FUT9: variants seen among roughly 807,000 people sequenced by gnomAD.
The protein encoded by FUT9 is 4-galactosyl-N-acetylglucosaminide 3-alpha-L-fucosyltransferase 9.
FUT9 carries 15 observed loss-of-function variants against 29.7 expected under a neutral mutation model. The observed-to-expected ratio is 0.51, with a 90% CI of 0.34 to 0.78. The LOEUF (loss-of-function observed/expected upper bound fraction) is 0.78. Ranked by LOEUF, FUT9 falls within the 30% of genes least tolerant of loss-of-function variation. FUT9 has a pLI of 0.01. For synonymous variants in FUT9, 169 were observed against 153.7 expected (o/e 1.10, Z -0.74); for missense variants, 319 against 425.4 (o/e 0.75, Z 2.20).
intron 2 of FUT9, among the ~76,000 whole-genome samples, chr6:96,140,164 T>C (rs1039235566): frequency 6.6e-6 from 1 of 152,196 alleles, no homozygotes; most frequent in Non-Finnish European, 1.5e-5. Context: ...CCAGTATCTT[T>C]GCATAGCAAG....
At chr6:96,056,584 T>A (rs578025051) in intron 1 of FUT9, among the ~76,000 whole-genome samples, 205 of 152,088 alleles carry the variant, frequency 1.3e-3, no homozygotes, top group Non-Finnish European at 2.3e-3. Flanking sequence ...ATACCTAGTA[T>A]CCAACAAAAT....
intron 2 of FUT9, among the ~76,000 whole-genome samples, chr6:96,184,062 C>A (rs1246013657): frequency 6.6e-6 from 1 of 152,004 alleles, no homozygotes; most frequent in Non-Finnish European, 1.5e-5. Flanking sequence ...AGCTGTGACT[C>A]CATCTGGTCC....
intron 2 of FUT9, among the ~76,000 whole-genome samples, chr6:96,152,407 G>C (rs1244876783): frequency 6.6e-6 from 1 of 152,112 alleles, no homozygotes; most frequent in Non-Finnish European, 1.5e-5. Flanking sequence ...AGTTCTAAGT[G>C]CTTATGTCAC....
At chr6:96,043,198 C>T (rs1770497308) in intron 1 of FUT9, among the ~76,000 whole-genome samples, 2 of 152,006 alleles carry the variant, frequency 1.3e-5, no homozygotes, top group Admixed American at 6.6e-5. Context: ...ACTACAGGCG[C>T]CCACCACCAC....
At chr6:96,039,933 A>T (rs1288914382) in intron 1 of FUT9, among the ~76,000 whole-genome samples, 3 of 132,198 alleles carry the variant, frequency 2.3e-5, no homozygotes, top group Non-Finnish European at 4.8e-5. Context: ...TGTCTCTTGG[A>T]CTTTAAATTC....
intron 1 of FUT9, among the ~76,000 whole-genome samples, chr6:96,110,815 C>CTATTTTTTATTTATTTATTTATTTATT (rs11283884): frequency 0.12 from 18,117 of 144,938 alleles, 1,458 homozygotes; most frequent in African/African-American, 0.14. Flanking sequence ...ACAAATGTGC[C>CTATTTTTTATTTATTTATTTATTTATT]TATTTATTTA....
intron 2 of FUT9, among the ~76,000 whole-genome samples, chr6:96,189,282 C>A (rs2127988175): frequency 6.6e-6 from 1 of 152,126 alleles, no homozygotes; most frequent in African/African-American, 2.4e-5. Flanking sequence ...GGAGGGAATG[C>A]AACATTGGCA....
chr6:96,100,491 G>T (rs1771570494), intron 1 of FUT9, among the ~76,000 whole-genome samples: 1 of 152,150 alleles, frequency 6.6e-6, no homozygotes, highest in Non-Finnish European at 1.5e-5. Flanking sequence ...AAGTGAGAAA[G>T]ATTTCACTTT....
rs1774006886 is a variant in FUT9, at chr6:96,214,786, G to A, written c.*10551G>A. The A allele has an allele frequency of 6.0e-6, 1 of 166,824 alleles. No individual in the cohort carries two copies. The highest frequency in any genetic ancestry group is 2.1e-4 in the South Asian group (1 of 4,818). 10.3% of individuals were successfully genotyped at this position (166,824 alleles called of 1,614,324 possible). A position where few individuals can be genotyped will look rare whatever the true frequency, so the allele number is the denominator to read the frequency against. On this transcript the variant is annotated 3_prime_UTR_variant, in exon 3 of 3. Coordinates refer to ENST00000302103, the MANE Select transcript of FUT9 (RefSeq NM_006581.4). ...TACACTGTTGGAAGGTAATTTCATT[G>A]CTATGTTATTAAAATGATGGGAATC...
chr6:96,175,122 C>T (rs1171526437), intron 2 of FUT9, among the ~76,000 whole-genome samples: 1 of 151,474 alleles, frequency 6.6e-6, no homozygotes, highest in African/African-American at 2.4e-5. Flanking sequence ...GAGAAAATGT[C>T]CTCAGCAAGA....
At chr6:96,087,763 A>G (rs142018809) in intron 1 of FUT9, among the ~76,000 whole-genome samples, 113 of 152,278 alleles carry the variant, frequency 7.4e-4, no homozygotes, top group African/African-American at 2.5e-3. Context: ...TTTGCTCTAA[A>G]CAGTAAATGT....
intron 1 of FUT9, among the ~76,000 whole-genome samples, chr6:96,045,497 A>C (rs1359339224): frequency 6.6e-6 from 1 of 152,100 alleles, no homozygotes; most frequent in Non-Finnish European, 1.5e-5. Flanking sequence ...ATTTTCAATG[A>C]CTCTCTTTAT....
intron 1 of FUT9, among the ~76,000 whole-genome samples, chr6:96,107,246 T>G (rs1771707521): frequency 6.6e-6 from 1 of 152,160 alleles, no homozygotes; most frequent in African/African-American, 2.4e-5. Flanking sequence ...ACCCCCAGCA[T>G]AAGACAACCA....
At chr6:96,068,024 T>C (rs1770992900) in intron 1 of FUT9, among the ~76,000 whole-genome samples, 1 of 152,188 alleles carries the variant, frequency 6.6e-6, no homozygotes, top group African/African-American at 2.4e-5. Context: ...ATCATTTTTA[T>C]CATTATAATT....
chr6:96,063,470 A>G (rs979616883), intron 1 of FUT9, among the ~76,000 whole-genome samples: 1 of 152,088 alleles, frequency 6.6e-6, no homozygotes, highest in Non-Finnish European at 1.5e-5. Flanking sequence ...CTCAGAGTGA[A>G]AGCTCGGTTA....
chr6:96,024,347 G>C (rs573704533), intron 1 of FUT9, among the ~76,000 whole-genome samples: 63 of 151,936 alleles, frequency 4.1e-4, no homozygotes, highest in Admixed American at 1.7e-3. Context: ...ATGGGAGAAG[G>C]GGACAGAAGA....
Position 96,064,797 on chromosome 6 carries a change from A to G in FUT9, c.-98+48585A>G, listed in dbSNP as rs147682926. Among the ~76,000 whole-genome samples the G allele has an allele frequency of 8.9e-3, 1,358 of 151,952 alleles. 10 individuals are homozygous for G. The highest frequency in any genetic ancestry group is 0.021 in the Admixed American group (319 of 15,244). On this transcript the variant is annotated intron_variant, in intron 1 of 2. Transcript: ENST00000302103. ...CAAACACACATACACACACCATTCA[A>G]TTTTCTCCCCACCTCAGCCTGCATT...
chr6:96,069,982 A>G (rs2127947112), intron 1 of FUT9, among the ~76,000 whole-genome samples: 1 of 152,320 alleles, frequency 6.6e-6, no homozygotes, highest in Non-Finnish European at 1.5e-5. Flanking sequence ...AATAATTAAA[A>G]CAGAGATCAA....
intron 1 of FUT9, among the ~76,000 whole-genome samples, chr6:96,062,422 TA>T (rs1159636021): frequency 6.6e-6 from 1 of 152,144 alleles, no homozygotes; most frequent in African/African-American, 2.4e-5. Flanking sequence ...GTTATCTATG[TA>T]AATAATTGAA....
Sources: allele counts gnomAD v4.1 joint callset (sites outside exome capture counted in the v4.1 genomes callset), GRCh38; gene constraint gnomAD v4.1.1; transcripts MANE v1.5; gene names NCBI Gene and HGNC (gene_info 2026-07-23, HGNC 2026-07-21).